Variants in SLIT3 observed in about 807,000 individuals in gnomAD.
SLIT3 encodes slit guidance ligand 3.
A neutral mutation model predicts 184.0 loss-of-function variants in SLIT3; 68 were observed. The observed-to-expected ratio is 0.37, with a 90% CI of 0.30 to 0.45. The LOEUF (loss-of-function observed/expected upper bound fraction) is 0.45. Ranked by LOEUF, SLIT3 falls within the 20% of genes least tolerant of loss-of-function variation. The pLI, the probability that SLIT3 is intolerant of heterozygous loss-of-function variation, is 1.00. For missense variants in SLIT3, 1,707 were observed against 2,026.0 expected (o/e 0.84, Z 3.02); for synonymous variants, 831 against 828.6 (o/e 1.00, Z -0.05).
chr5:168,873,603 C>G (rs1441654193), intron 5 of SLIT3, among the ~76,000 whole-genome samples: 3 of 152,166 alleles, frequency 2.0e-5, no homozygotes, highest in African/African-American at 7.2e-5. Flanking sequence ...GCACTCTAGC[C>G]TGGTTGACAG....
intron 8 of SLIT3, among the ~76,000 whole-genome samples, chr5:168,809,248 AG>A (rs1003582328): frequency 1.6e-4 from 25 of 152,154 alleles, no homozygotes; most frequent in African/African-American, 6.0e-4. Context: ...GGTCTTCCGC[AG>A]GGTGACTCCC....
At chr5:169,136,688 T>C (rs1025496684) in intron 4 of SLIT3, among the ~76,000 whole-genome samples, 3 of 152,176 alleles carry the variant, frequency 2.0e-5, no homozygotes, top group African/African-American at 7.2e-5. Context: ...TGCCTCATTA[T>C]GGGCCTGGAT....
At position 169,290,640 on chromosome 5, in the gene SLIT3, G is replaced by C. The variant is rs374147340; in HGVS notation, c.197+9873C>G. 4.7e-5 allele frequency among the ~76,000 whole-genome samples: 7 copies of C among 150,352 alleles called. 1 individual carries two copies. In the East Asian group the frequency reaches 9.9e-4, roughly 21 times the overall value. On this transcript the variant is annotated intron_variant, in intron 1 of 35. Transcript: ENST00000519560. ...TAGGGCACGTGCGGGGCATATGCTA[G>C]GGCAAATGCTAGGGCACGCACTAGG...
intron 4 of SLIT3, among the ~76,000 whole-genome samples, chr5:168,926,017 C>CA (rs1229799028): frequency 2.0e-5 from 3 of 152,188 alleles, no homozygotes; most frequent in Non-Finnish European, 4.4e-5. Context: ...TGTTTTCATC[C>CA]ACAGGGTTCT....
chr5:168,853,438 A>G (rs1758748000), intron 5 of SLIT3, among the ~76,000 whole-genome samples: 1 of 152,246 alleles, frequency 6.6e-6, no homozygotes, highest in Non-Finnish European at 1.5e-5. Flanking sequence ...TATGGCATAT[A>G]AGTTCTTAAT....
intron 3 of SLIT3, among the ~76,000 whole-genome samples, chr5:169,217,225 T>C (rs540607316): frequency 6.6e-6 from 1 of 150,772 alleles, no homozygotes; most frequent in East Asian, 1.9e-4. Flanking sequence ...AGGGTGTGAA[T>C]AAATTGGTGT....
intron 3 of SLIT3, among the ~76,000 whole-genome samples, chr5:169,223,168 A>G (rs1354665271): frequency 1.3e-5 from 2 of 152,170 alleles, no homozygotes; most frequent in African/African-American, 4.8e-5. Context: ...GCCTGTTTTG[A>G]TAGCATCTGA....
At chr5:168,939,429 T>G (rs1335332019) in intron 4 of SLIT3, among the ~76,000 whole-genome samples, 1 of 152,172 alleles carries the variant, frequency 6.6e-6, no homozygotes, top group Non-Finnish European at 1.5e-5. Context: ...AAGTTTGGAA[T>G]TTTTGCTAAC....
intron 4 of SLIT3, among the ~76,000 whole-genome samples, chr5:169,144,767 C>T (rs1761872444): frequency 6.6e-6 from 1 of 152,322 alleles, no homozygotes; most frequent in Non-Finnish European, 1.5e-5. Context: ...AAACCCAAGA[C>T]CCGCAAGACG....
chr5:168,963,360 C>G (rs1253368198), intron 4 of SLIT3, among the ~76,000 whole-genome samples: 1 of 152,076 alleles, frequency 6.6e-6, no homozygotes, highest in Non-Finnish European at 1.5e-5. Context: ...TTAGTAGAGA[C>G]AAGGTTTCTC....
At chr5:168,684,148 T>G in intron 31 of SLIT3, 52 bp from the exon 32 acceptor site, 1 of 1,464,354 alleles carries the variant, frequency 6.8e-7, no homozygotes, top group Non-Finnish European at 9.1e-7. Flanking sequence ...AGACTGAACC[T>G]TCCCTGCCCA....
intron 16 of SLIT3, among the ~76,000 whole-genome samples, chr5:168,755,389 A>ATTTCTTTCTTTCTTTCTTTCTTTCTC (rs1754861915): frequency 7.5e-6 from 1 of 133,640 alleles, no homozygotes; most frequent in East Asian, 2.4e-4. Context: ...CAGTGCCGCC[A>ATTTCTTTCTTTCTTTCTTTCTTTCTC]TTTCTTTCTT....
chr5:169,148,138 A>G (rs1386339435), intron 4 of SLIT3, among the ~76,000 whole-genome samples: 1 of 152,162 alleles, frequency 6.6e-6, no homozygotes, highest in East Asian at 1.9e-4. Flanking sequence ...GTCCTTCCAG[A>G]GTAATCCAGG....
chr5:169,004,919 AAAAT>A (rs1457740574), intron 4 of SLIT3, among the ~76,000 whole-genome samples: 1 of 152,164 alleles, frequency 6.6e-6, no homozygotes, highest in East Asian at 1.9e-4. Flanking sequence ...AGAACTGTGA[AAAAT>A]AAGTGTCTGC....
intron 1 of SLIT3, among the ~76,000 whole-genome samples, chr5:169,274,098 G>A (rs1484392653): frequency 6.6e-6 from 1 of 152,158 alleles, no homozygotes; most frequent in East Asian, 1.9e-4. Context: ...CTGGGAACTT[G>A]CTAGAAGTGC....
chr5:168,688,106 A>T (rs1761801703), intron 29 of SLIT3, among the ~76,000 whole-genome samples: 1 of 152,220 alleles, frequency 6.6e-6, no homozygotes, highest in African/African-American at 2.4e-5. Context: ...CAGCATAGAA[A>T]CACACCTGAA....
intron 4 of SLIT3, among the ~76,000 whole-genome samples, chr5:168,927,708 G>T (rs1015380040): frequency 6.6e-6 from 1 of 152,086 alleles, no homozygotes; most frequent in African/African-American, 2.4e-5. Flanking sequence ...GCTCTACATC[G>T]CAGGGCCCCC....
intron 18 of SLIT3, among the ~76,000 whole-genome samples, chr5:168,750,116 C>T (rs1036521919): frequency 3.9e-5 from 6 of 152,178 alleles, no homozygotes; most frequent in Non-Finnish European, 7.3e-5. Flanking sequence ...TGGGAGTGTG[C>T]GGTGACTGGT....
intron 4 of SLIT3, among the ~76,000 whole-genome samples, chr5:169,148,972 C>T (rs1762025487): frequency 1.3e-5 from 2 of 152,130 alleles, no homozygotes; most frequent in South Asian, 4.1e-4. Flanking sequence ...CACAGAAGTC[C>T]TTTAAAGCAG....
Sources: allele counts gnomAD v4.1 joint callset (sites outside exome capture counted in the v4.1 genomes callset), GRCh38; gene constraint gnomAD v4.1.1; transcripts MANE v1.5; gene names NCBI Gene and HGNC (gene_info 2026-07-23, HGNC 2026-07-21).